Variants in LTBP1 observed in about 807,000 individuals in gnomAD.
LTBP1 encodes latent transforming growth factor beta binding protein 1, also known as latent-transforming growth factor beta-binding protein 1.
In LTBP1, 129 loss-of-function variants were observed where a neutral mutation model predicts 207.6. The ratio of observed to expected loss-of-function variants is 0.62; its 90% CI spans 0.54 to 0.72. LTBP1 has a LOEUF of 0.72. Among genes scored for constraint, LTBP1 ranks in the 30% least tolerant of loss-of-function variants. LTBP1 has a pLI of 0.00. For synonymous variants in LTBP1, 963 were observed against 833.7 expected (o/e 1.16, Z -2.67); for missense variants, 2,281 against 2,217.2 (o/e 1.03, Z -0.58).
chr2:32,984,144 C>CTACCGTGTGATAAGGTGTCAGGGA (rs1176529069), intron 2 of LTBP1, among the ~76,000 whole-genome samples: 25 of 152,286 alleles, frequency 1.6e-4, no homozygotes, highest in African/African-American at 6.0e-4. Context: ...TGGAAATTAC[C>CTACCGTGTGATAAGGTGTCAGGGA]TACCGTGTGA....
intron 2 of LTBP1, among the ~76,000 whole-genome samples, chr2:32,982,828 G>A (rs1484822917): frequency 6.6e-6 from 1 of 152,236 alleles, no homozygotes; most frequent in South Asian, 2.1e-4. Context: ...TTCAAAGGAT[G>A]TATGGAAATG....
chr2:33,313,904 G>C (rs576634877), intron 23 of LTBP1, among the ~76,000 whole-genome samples: 1 of 152,288 alleles, frequency 6.6e-6, no homozygotes, highest in East Asian at 1.9e-4. Context: ...GCATGTATCA[G>C]AACCATTGTG....
chr2:33,357,334 C>T (rs1434705864), intron 26 of LTBP1, among the ~76,000 whole-genome samples: 2 of 152,120 alleles, frequency 1.3e-5, no homozygotes, highest in African/African-American at 4.8e-5. Flanking sequence ...GTTGCTGAAC[C>T]CCCAGCAGCA....
chr2:33,120,513 A>G (rs2081043075), intron 4 of LTBP1, among the ~76,000 whole-genome samples: 1 of 152,234 alleles, frequency 6.6e-6, no homozygotes, highest in African/African-American at 2.4e-5. Context: ...TGCAGAAGAC[A>G]TGATCTCATT....
At chr2:33,193,784 A>C (rs1160375898) in intron 7 of LTBP1, among the ~76,000 whole-genome samples, 3 of 152,130 alleles carry the variant, frequency 2.0e-5, no homozygotes, top group Non-Finnish European at 4.4e-5. Context: ...ACAACCATAT[A>C]AGATGGCAAA....
Position 32,947,483 on chromosome 2 carries a change from A to G in LTBP1, c.159A>G (p.Thr53=), listed in dbSNP as rs1459964107. 1 of 1,444,744 alleles carries G rather than the reference A, an allele frequency of 6.9e-7. No individual in the cohort carries two copies. Among genetic ancestry groups the G allele is most frequent in the East Asian group, 3.1e-5 (1 of 32,430 alleles). 89.5% of individuals were successfully genotyped at this position (1,444,744 alleles called of 1,614,324 possible). Residue 53 remains threonine (T), a synonymous_variant, in exon 1 of 34, where the codon ACA becomes ACG. Coordinates refer to ENST00000404816, the MANE Select transcript of LTBP1 (RefSeq NM_206943.4). ...TGAGCGGGCCCCCGCGTTCGCGGAC[A>G]TTCAACGTCGCGCTCAACGCCAGGT... is the stretch of plus-strand genomic sequence containing the variant. ...LPLSGPPRSR[T]FNVALNARYS...
intron 2 of LTBP1, among the ~76,000 whole-genome samples, chr2:32,968,327 T>C (rs572284402): frequency 2.0e-5 from 3 of 152,298 alleles, no homozygotes; most frequent in Non-Finnish European, 2.9e-5. Context: ...ACATTAAGGA[T>C]TGGTTATGTT....
Position 32,973,407 on chromosome 2 carries a change from C to T in LTBP1, c.565+24462C>T, listed in dbSNP as rs113487429. ...CCAGTATGTAATGCTCTTTTGTGTC[C>T]GTTACATAATGCTCTTGTCTTTTTA... On this transcript the variant is annotated intron_variant, in intron 2 of 33. Transcript: ENST00000404816. Among the ~76,000 whole-genome samples, 720 of 151,938 alleles carry T rather than the reference C, an allele frequency of 4.7e-3. 2 individuals are homozygous for T. The highest frequency in any genetic ancestry group is 7.7e-3 in the Non-Finnish European group (523 of 67,946).
At chr2:33,293,124 T>G (rs1365881308) in intron 19 of LTBP1, 36 bp from the exon 20 acceptor site, 2 of 1,592,500 alleles carry the variant, frequency 1.3e-6, no homozygotes, top group Non-Finnish European at 1.7e-6. Flanking sequence ...CTTTTTCTTC[T>G]TTTTTTGTTC....
rs752064257 is a variant in LTBP1 at position 33,363,443 on chromosome 2, T to C, written c.4324T>C (p.Leu1442=). Residue 1442 remains leucine (L), a synonymous_variant, in exon 29 of 34, where the codon TTG becomes CTG. Coordinates refer to ENST00000404816, the MANE Select transcript of LTBP1 (RefSeq NM_206943.4). The stretch of plus-strand genomic sequence containing the variant: ...AGAAATCTGCAAAAATGGTTTCTGT[T>C]TGAACACTCGGCCTGGGTATGAATG... ...GQEICKNGFC[L]NTRPGYECYC... 27 of 1,613,964 alleles carry C rather than the reference T, an allele frequency of 1.7e-5. 3 individuals carry two copies. The South Asian group carries it at 3.0e-4, about 18-fold the overall frequency.
rs1182714533 is a variant in LTBP1 at position 33,134,454 on chromosome 2, C to T, written c.1034-339C>T. On this transcript the variant is annotated intron_variant, in intron 4 of 33. Coordinates refer to ENST00000404816, the MANE Select transcript of LTBP1 (RefSeq NM_206943.4). This position sits in a 1 kb window ranked among gnomAD's most constrained non-coding sequence, Gnocchi z 4.4. ...TGTCAGGGTTGGCTCTTTAATCTGTCGTGCCCTCGGTATTGCTCTTTGTCT... is the reference window on the plus strand; with the variant it reads ...TGTCAGGGTTGGCTCTTTAATCTGTTGTGCCCTCGGTATTGCTCTTTGTCT... The T allele has an allele frequency of 7.8e-6, 7 of 902,784 alleles. No individual in the cohort carries two copies. The highest frequency in any genetic ancestry group is 2.8e-5 in the South Asian group (2 of 72,236). The allele number at this position is 902,784 out of a possible 1,614,324, so 55.9% of individuals were successfully genotyped here.
At chr2:33,298,566 T>C (rs1269210704) in intron 20 of LTBP1, among the ~76,000 whole-genome samples, 1 of 152,222 alleles carries the variant, frequency 6.6e-6, no homozygotes, top group African/African-American at 2.4e-5. Context: ...AAGTATTTTA[T>C]AGAATGTGCT....
chr2:33,271,275 C>G (rs983097223), intron 15 of LTBP1, among the ~76,000 whole-genome samples: 1 of 150,882 alleles, frequency 6.6e-6, no homozygotes, highest in African/African-American at 2.4e-5. Flanking sequence ...AACCCTTGCC[C>G]TGAATATATT....
At chr2:33,233,364 A>G (rs6758391) in intron 9 of LTBP1, among the ~76,000 whole-genome samples, 3,796 of 152,218 alleles carry the variant, frequency 0.025, 177 homozygotes, top group African/African-American at 0.087. Context: ...CAAGGTTTCT[A>G]ATAAATTATT....
At chr2:33,069,264 G>T (rs1174536869) in intron 3 of LTBP1, among the ~76,000 whole-genome samples, 1 of 152,074 alleles carries the variant, frequency 6.6e-6, no homozygotes, top group Non-Finnish European at 1.5e-5. Context: ...CCCTGGCTCT[G>T]TGCACTGATG....
intron 9 of LTBP1, among the ~76,000 whole-genome samples, chr2:33,224,241 T>C (rs1285431927): frequency 6.6e-6 from 1 of 152,218 alleles, no homozygotes; most frequent in Non-Finnish European, 1.5e-5. Context: ...TGGGGAACTC[T>C]ATTCCACAGA....
chr2:32,957,596 C>T lies in LTBP1; in HGVS notation c.565+8651C>T, dbSNP rs572426096. On this transcript the variant is annotated intron_variant, in intron 2 of 33. Coordinates refer to ENST00000404816, the MANE Select transcript of LTBP1 (RefSeq NM_206943.4). ...TTACAATGGTAACATGAAAGATCACCGATCACATATCACTGTAACAGACAC... is the reference window on the plus strand; with the variant it reads ...TTACAATGGTAACATGAAAGATCACTGATCACATATCACTGTAACAGACAC... Among the ~76,000 whole-genome samples, 4 of 152,146 alleles carry T rather than the reference C, an allele frequency of 2.6e-5. No homozygotes were observed. The South Asian group carries it at 8.3e-4, about 32-fold the overall frequency.
chr2:33,024,224 A>G (rs1280518711), intron 3 of LTBP1, among the ~76,000 whole-genome samples: 1 of 152,234 alleles, frequency 6.6e-6, no homozygotes, highest in Non-Finnish European at 1.5e-5. Flanking sequence ...TAAATGACAT[A>G]ATTAAAATAC....
chr2:33,063,016 A>G (rs1193829183), intron 3 of LTBP1: 1 of 152,236 alleles, frequency 6.6e-6, no homozygotes, highest in Non-Finnish European at 1.5e-5. Context: ...GACTGAAACC[A>G]TGGGTAACTG....
Sources: gnomAD v4.1 joint callset for allele counts (sites outside exome capture counted in the v4.1 genomes callset) on GRCh38, gnomAD v4.1.1 for gene constraint, Gnocchi (gnomAD v3.1) non-coding constraint, MANE v1.5 for transcripts, NCBI Gene and HGNC (gene_info 2026-07-23, HGNC 2026-07-21) for gene names.